The following ANK2 variants were observed in gnomAD, a reference collection of about 807,000 sequenced individuals.
ANK2 encodes ankyrin-2.
In ANK2, 83 loss-of-function variants were observed where a neutral mutation model predicts 360.5. The observed-to-expected ratio is 0.23, with a 90% confidence interval of 0.19 to 0.28. The LOEUF is 0.28. Among genes scored for constraint, ANK2 ranks in the 10% least tolerant of loss-of-function variants. ANK2 has a pLI of 1.00. For missense variants in ANK2, 4,201 were observed against 4,795.7 expected (o/e 0.88, Z 3.66); for synonymous variants, 1,740 against 1,759.5 (o/e 0.99, Z 0.28).
At chr4:112,813,254 C>CAAA (rs1308553677), upstream of ANK2, among the ~76,000 whole-genome samples, 8 of 127,640 alleles carry the variant, frequency 6.3e-5, no homozygotes, top group South Asian at 2.6e-4. Context: ...AAAAAAAAAT[C>CAAA]AAAAAAAAAA....
upstream of ANK2, among the ~76,000 whole-genome samples, chr4:113,046,354 G>C (rs2064380001): frequency 1.3e-5 from 2 of 152,080 alleles, no homozygotes; most frequent in Admixed American, 1.3e-4. Flanking sequence ...ACAAGTTTAA[G>C]TAATATTTCA....
At chr4:113,345,829 A>G in intron 34 of ANK2, 71 bp from the exon 35 acceptor site, 1 of 1,585,654 alleles carries the variant, frequency 6.3e-7, no homozygotes, top group Non-Finnish European at 8.7e-7. Flanking sequence ...TTTCCCTTTC[A>G]AGCATCATCT....
chr4:112,729,262 A>G, the ANK2 span, among the ~76,000 whole-genome samples: 2 of 152,110 alleles, frequency 1.3e-5, no homozygotes, highest in Non-Finnish European at 2.9e-5. Context: ...TAGTACAGTC[A>G]TTATGGAAAA....
At position 113,136,503 on chromosome 4, in the gene ANK2, G is replaced by A. The variant is rs776297093; in HGVS notation, c.85-37913G>A. 8.9e-4 allele frequency among the ~76,000 whole-genome samples: 135 copies of A among 152,060 alleles called. 2 individuals are homozygous for A. Among genetic ancestry groups the A allele is most frequent in the Non-Finnish European group, 3.1e-4 (21 of 68,006 alleles). ...TTGAGACCATCCTGGGCAACATGGC[G>A]AAACCCTGTCTCTACCAAAAATACA... is the stretch of plus-strand genomic sequence containing the variant. On this transcript the variant is annotated intron_variant, in intron 1 of 45. Transcript: ENST00000357077.
intron 2 of ANK2, among the ~76,000 whole-genome samples, chr4:113,007,220 C>T (rs1476902984): frequency 6.6e-6 from 1 of 152,110 alleles, no homozygotes; most frequent in Admixed American, 6.6e-5. Flanking sequence ...GTATTTTGTG[C>T]AGCGGTTAGT....
chr4:112,975,280 A>G (rs1194916651), intron 2 of ANK2, among the ~76,000 whole-genome samples: 1 of 152,200 alleles, frequency 6.6e-6, no homozygotes, highest in Non-Finnish European at 1.5e-5. Flanking sequence ...TCCTAAGTTC[A>G]TGATGATTAT....
the ANK2 span, among the ~76,000 whole-genome samples, chr4:112,730,360 G>T: frequency 6.6e-6 from 1 of 151,542 alleles, no homozygotes; most frequent in African/African-American, 2.4e-5. Context: ...TTGCTGGCCA[G>T]GCGCAGTGGC....
At chr4:112,763,111 G>C in the ANK2 span, among the ~76,000 whole-genome samples, 1 of 152,184 alleles carries the variant, frequency 6.6e-6, no homozygotes, top group Non-Finnish European at 1.5e-5. Flanking sequence ...AAATAAGAGT[G>C]GGGGCTGGGC....
chr4:113,331,012 T>G lies in ANK2; in HGVS notation c.3125+542T>G, dbSNP rs543059583. Among the ~76,000 whole-genome samples the G allele has an allele frequency of 9.8e-5, 15 of 152,298 alleles. No individual in the cohort carries two copies. In the East Asian group the frequency reaches 2.9e-3, roughly 29 times the overall value. ...TAGTCACAGTTTATATTAAGACAAA[T>G]ACATCAAGACTAGCTTCCACCGTGC... On this transcript the variant is annotated intron_variant, in intron 27 of 45. Transcript: ENST00000357077.
chr4:112,957,004 CTTGTTTTTTTT>C (rs2095361355), intron 2 of ANK2, among the ~76,000 whole-genome samples: 1 of 92,474 alleles, frequency 1.1e-5, no homozygotes, highest in Non-Finnish European at 2.2e-5. Context: ...CACTATTGCT[CTTGTTTTTTTT>C]TTTTTTTTTT....
chr4:112,973,138 C>T (rs1227392437), intron 2 of ANK2, among the ~76,000 whole-genome samples: 4 of 149,576 alleles, frequency 2.7e-5, no homozygotes, highest in African/African-American at 9.9e-5. Flanking sequence ...ATCTGTGTAA[C>T]CAAAACCCAC....
At chr4:112,806,829 TC>T in the ANK2 span, among the ~76,000 whole-genome samples, 1 of 152,124 alleles carries the variant, frequency 6.6e-6, no homozygotes, top group African/African-American at 2.4e-5. Flanking sequence ...AGACCTTGTT[TC>T]AAAAAAGAAA....
At chr4:113,103,997 A>T (rs946384927) in intron 1 of ANK2, among the ~76,000 whole-genome samples, 1 of 152,132 alleles carries the variant, frequency 6.6e-6, no homozygotes, top group Non-Finnish European at 1.5e-5. Flanking sequence ...CTTAGGCAGT[A>T]TTTTTTAAAA....
the ANK2 span, among the ~76,000 whole-genome samples, chr4:112,746,953 C>T: frequency 6.6e-6 from 1 of 152,092 alleles, no homozygotes; most frequent in East Asian, 1.9e-4. Flanking sequence ...CACGCATTTA[C>T]GAAATCCCTA....
Position 113,354,938 on chromosome 4 carries a change from A to G in ANK2, c.6320A>G (p.Glu2107Gly), listed in dbSNP as rs2095653777. ...QSVPEEESHRESEVPKEKMAD... is the reference protein window; with the variant it reads ...QSVPEEESHRGSEVPKEKMAD... ...GTGCCTGAAGAAGAAAGCCACAGAG[A>G]GAGCGAAGTGCCCAAAGAAAAGATG... Residue 2107 changes from glutamate (E) to glycine (G), a missense_variant, in exon 38 of 46, where the codon GAG becomes GGG. Coordinates refer to ENST00000357077, the MANE Select transcript of ANK2 (RefSeq NM_001148.6). 5 of 1,614,124 alleles carry G rather than the reference A, an allele frequency of 3.1e-6. No homozygotes were observed. The highest frequency in any genetic ancestry group is 1.3e-5 in the African/African-American group (1 of 75,054).
chr4:112,875,921 C>CT (rs553724643), intron 1 of ANK2, among the ~76,000 whole-genome samples: 10,240 of 134,360 alleles, frequency 0.076, 601 homozygotes, highest in East Asian at 0.32. Flanking sequence ...TTTCTTTTTT[C>CT]TTTTTTTTTT....
rs748683803 is a variant in ANK2, at chr4:113,353,183, C to A, written c.4565C>A (p.Thr1522Asn). 1.2e-6 allele frequency: 2 copies of A among 1,614,034 alleles called. No individual in the cohort carries two copies. Among genetic ancestry groups the A allele is most frequent in the South Asian group, 1.1e-5 (1 of 91,074 alleles). ...QDLIKMTAIL[T>N]TDVSDKAGSI... The stretch of plus-strand genomic sequence containing the variant: ...TTGATCAAAATGACCGCCATCTTGA[C>A]CACAGATGTGTCTGATAAGGCAGGT... Residue 1522 changes from threonine to asparagine, a missense_variant, in exon 38 of 46, where the codon ACC becomes AAC. Transcript: ENST00000357077.
intron 2 of ANK2, among the ~76,000 whole-genome samples, chr4:112,987,577 G>A (rs997097466): frequency 6.6e-6 from 1 of 152,054 alleles, no homozygotes; most frequent in African/African-American, 2.4e-5. Context: ...TCTCAGGTCA[G>A]CAATCCCCAG....
At chr4:112,869,215 G>A (rs1462603959) in intron 1 of ANK2, among the ~76,000 whole-genome samples, 1 of 152,122 alleles carries the variant, frequency 6.6e-6, no homozygotes, top group Non-Finnish European at 1.5e-5. Flanking sequence ...TGATCTTCCT[G>A]CCTTGGCCTC....
Sources: gnomAD v4.1 joint callset for allele counts (sites outside exome capture counted in the v4.1 genomes callset) on GRCh38, gnomAD v4.1.1 for gene constraint, MANE v1.5 for transcripts, NCBI Gene and HGNC (gene_info 2026-07-23, HGNC 2026-07-21) for gene names.